The following RAP1A variants were observed in gnomAD, a reference collection of about 807,000 sequenced individuals.
RAP1A encodes the protein RAP1A, member of RAS oncogene family.
RAP1A carries 6 observed loss-of-function variants against 26.4 expected under a neutral mutation model. The ratio of observed to expected loss-of-function variants is 0.23; its 90% confidence interval spans 0.12 to 0.45. The LOEUF is 0.45. Among genes scored for constraint, RAP1A ranks in the 20% least tolerant of loss-of-function variants. RAP1A has a pLI of 0.99. For synonymous variants in RAP1A, 73 were observed against 79.4 expected, an observed-to-expected ratio of 0.92 and a Z score of 0.43; for missense variants, 121 against 217.2, an observed-to-expected ratio of 0.56 and a Z score of 2.78.
At chr1:111,561,367 G>A (rs569108357) in intron 1 of RAP1A, among the ~76,000 whole-genome samples, 4 of 152,206 alleles carry the variant, frequency 2.6e-5, no homozygotes, top group African/African-American at 4.8e-5. Flanking sequence ...CAAGCGATCC[G>A]CTTGTCTCAG....
At chr1:111,596,732 C>T (rs1658570747) in intron 1 of RAP1A, among the ~76,000 whole-genome samples, 1 of 152,252 alleles carries the variant, frequency 6.6e-6, no homozygotes, top group Admixed American at 6.5e-5. Context: ...TGGCAGTCTT[C>T]TCACTGTGTC....
Position 111,695,209 on chromosome 1 carries a change from A to ATAATAT in RAP1A, c.58-130_58-129insATATTA, listed in dbSNP as rs3085873. 473,118 of 554,798 alleles carry ATAATAT rather than the reference A, an allele frequency of 0.85. 202,975 individuals are homozygous for ATAATAT. Among genetic ancestry groups the ATAATAT allele is most frequent in the East Asian group, 1 (25,830 of 25,846 alleles). 34.4% of individuals were successfully genotyped at this position (554,798 alleles called of 1,614,324 possible). Reference sequence around the variant, plus strand: ...TATCCTTATATTGAAAGAATTAATAATATACTTTACATTTACGTGTTTACC... The same window carrying ATAATAT: ...TATCCTTATATTGAAAGAATTAATAATAATATTATACTTTACATTTACGTGTTTACC... On this transcript the variant is annotated intron_variant, in intron 2 of 7. Coordinates refer to ENST00000369709, the MANE Select transcript of RAP1A (RefSeq NM_002884.4).
intron 2 of RAP1A, among the ~76,000 whole-genome samples, chr1:111,694,002 C>T (rs745988021): frequency 6.6e-6 from 1 of 152,000 alleles, no homozygotes; most frequent in Non-Finnish European, 1.5e-5. Flanking sequence ...AATCCTCCCA[C>T]CTTAGCTACC....
At chr1:111,606,370 G>A (rs538035112) in intron 1 of RAP1A, among the ~76,000 whole-genome samples, 6 of 152,208 alleles carry the variant, frequency 3.9e-5, no homozygotes, top group South Asian at 2.1e-4. Flanking sequence ...CTCAGAGCAC[G>A]AAGAACCTTT....
At chr1:111,574,518 T>C (rs1248679304) in intron 1 of RAP1A, among the ~76,000 whole-genome samples, 1 of 152,240 alleles carries the variant, frequency 6.6e-6, no homozygotes, top group Non-Finnish European at 1.5e-5. Flanking sequence ...TTGATACGAA[T>C]AGCACTGGAT....
exon 1 of RAP1A, chr1:111,542,272 G>A: frequency 5.0e-6 from 3 of 598,436 alleles, no homozygotes; most frequent in East Asian, 4.6e-5. Context: ...CGTATTTCAG[G>A]ATCAGACCTG....
In RAP1A at chr1:111,677,668, T is replaced by A. The variant is rs568530655; in HGVS notation, c.-27-13666T>A. Among the ~76,000 whole-genome samples, 3 of 152,326 alleles carry A rather than the reference T, an allele frequency of 2.0e-5. No individual in the cohort carries two copies. In the South Asian group the frequency reaches 6.2e-4, roughly 32 times the overall value. ...GGTGTGCCTCTCTGAAGGGCTGGTG[T>A]TCACCTGACATGGTGACTGGCTTCT... On this transcript the variant is annotated intron_variant, in intron 1 of 7. Transcript: ENST00000369709.
intron 1 of RAP1A, among the ~76,000 whole-genome samples, chr1:111,545,476 C>A (rs1657002421): frequency 6.6e-6 from 1 of 151,894 alleles, no homozygotes; most frequent in South Asian, 2.1e-4. Context: ...GATTATTTGT[C>A]CTTTTATTGT....
intron 1 of RAP1A, among the ~76,000 whole-genome samples, chr1:111,587,830 T>C (rs1658405782): frequency 1.3e-5 from 2 of 152,338 alleles, no homozygotes; most frequent in South Asian, 4.1e-4. Context: ...CTACAGTATT[T>C]AATGCTGTGA....
At chr1:111,702,309 A>G (rs192250903) in intron 4 of RAP1A, among the ~76,000 whole-genome samples, 444 of 152,266 alleles carry the variant, frequency 2.9e-3, no homozygotes, top group African/African-American at 9.9e-3. Context: ...TAAGTAATAT[A>G]TATATATAAT....
intron 1 of RAP1A, among the ~76,000 whole-genome samples, chr1:111,654,455 C>T (rs1376691832): frequency 6.6e-6 from 1 of 152,200 alleles, no homozygotes; most frequent in Admixed American, 6.5e-5. Flanking sequence ...GATGGGAGCA[C>T]TGGAGGCAGA....
At chr1:111,619,081 C>T (rs1473722437), upstream of RAP1A, among the ~76,000 whole-genome samples, 1 of 152,234 alleles carries the variant, frequency 6.6e-6, no homozygotes, top group Non-Finnish European at 1.5e-5. Flanking sequence ...GCTGGTACTG[C>T]TCTCGGGCTG....
At chr1:111,657,838 A>G (rs1660512410) in intron 1 of RAP1A, among the ~76,000 whole-genome samples, 1 of 152,132 alleles carries the variant, frequency 6.6e-6, no homozygotes, top group Non-Finnish European at 1.5e-5. Context: ...CATTCTGTTC[A>G]AAATACCAAT....
intron 1 of RAP1A, chr1:111,627,387 T>G (rs1192668197): frequency 6.6e-6 from 1 of 152,180 alleles, no homozygotes; most frequent in African/African-American, 2.4e-5. Flanking sequence ...CTTTATAATA[T>G]TACTGTTTTA....
intron 1 of RAP1A, among the ~76,000 whole-genome samples, chr1:111,553,886 A>G (rs1657375476): frequency 6.6e-6 from 1 of 152,250 alleles, no homozygotes; most frequent in African/African-American, 2.4e-5. Context: ...AAACATCTGT[A>G]GAACTTAAGA....
chr1:111,640,751 T>C (rs1659865657), intron 1 of RAP1A, among the ~76,000 whole-genome samples: 1 of 152,056 alleles, frequency 6.6e-6, no homozygotes, highest in Non-Finnish European at 1.5e-5. Flanking sequence ...CTTGAGCCCA[T>C]GAGTTTGAGA....
At chr1:111,672,796 T>A (rs1661015263) in intron 1 of RAP1A, among the ~76,000 whole-genome samples, 1 of 152,240 alleles carries the variant, frequency 6.6e-6, no homozygotes, top group African/African-American at 2.4e-5. Context: ...TTTAGGATTT[T>A]GTCTTTGTTT....
intron 1 of RAP1A, among the ~76,000 whole-genome samples, chr1:111,672,914 A>G (rs1257065033): frequency 1.3e-5 from 2 of 152,090 alleles, no homozygotes; most frequent in African/African-American, 4.8e-5. Flanking sequence ...GATGATTCCT[A>G]ACTTTTCTTA....
chr1:111,542,071 G>T, upstream of RAP1A: 1 of 207,332 alleles, frequency 4.8e-6, no homozygotes, highest in Non-Finnish European at 9.9e-6. Context: ...TTAACTCAGG[G>T]TGGTGCAAAG....
Sources: allele counts gnomAD v4.1 joint callset (sites outside exome capture counted in the v4.1 genomes callset), GRCh38; gene constraint gnomAD v4.1.1; transcripts MANE v1.5; gene names NCBI Gene and HGNC (gene_info 2026-07-23, HGNC 2026-07-21).